Variants in COL23A1 observed in about 807,000 individuals in gnomAD.
The protein encoded by COL23A1 is collagen type XXIII alpha 1 chain.
In COL23A1, 97 loss-of-function variants were observed where a neutral mutation model predicts 99.3. The observed-to-expected ratio is 0.98, with a 90% CI of 0.83 to 1.16. The LOEUF is 1.16. COL23A1 is among the 50% of genes most tolerant of loss of function. COL23A1 has a pLI of 0.00. For synonymous variants in COL23A1, 320 were observed against 308.2 expected, an observed-to-expected ratio of 1.04 and a Z score of -0.40; for missense variants, 762 against 757.4, an observed-to-expected ratio of 1.01 and a Z score of -0.07.
At position 178,257,117 on chromosome 5, in the gene COL23A1, G is replaced by A. The variant is rs139062228; in HGVS notation, c.775-189C>T. Among the ~76,000 whole-genome samples the A allele has an allele frequency of 3.4e-3, 512 of 152,324 alleles. 1 individual carries two copies. Among genetic ancestry groups the A allele is most frequent in the Non-Finnish European group, 5.5e-3 (373 of 68,018 alleles). ...CCTAGCCCAGGGGACTCAGGACCAC[G>A]GCCGCCACCTTCTGGTGTGGGCCTT... is the stretch of plus-strand genomic sequence containing the variant. On this transcript the variant is annotated intron_variant, in intron 13 of 28. Transcript: ENST00000390654.
intron 2 of COL23A1, among the ~76,000 whole-genome samples, chr5:178,397,412 A>G (rs1355856304): frequency 1.3e-5 from 2 of 152,176 alleles, no homozygotes; most frequent in Non-Finnish European, 2.9e-5. Flanking sequence ...CGGGGGAGAA[A>G]ACTTAAAAGT....
chr5:178,587,128 A>T (rs937390067), intron 1 of COL23A1, among the ~76,000 whole-genome samples: 2 of 152,232 alleles, frequency 1.3e-5, no homozygotes, highest in African/African-American at 2.4e-5. Context: ...TTGTAACTAT[A>T]GGTATAAGAT....
intron 2 of COL23A1, among the ~76,000 whole-genome samples, chr5:178,489,475 G>A (rs770854386): frequency 4.6e-5 from 7 of 152,206 alleles, no homozygotes; most frequent in Non-Finnish European, 7.3e-5. Flanking sequence ...CTTTGCCTTC[G>A]CAACCATGTG....
intron 17 of COL23A1, among the ~76,000 whole-genome samples, chr5:178,250,427 C>T (rs1436572762): frequency 1.3e-5 from 2 of 152,214 alleles, no homozygotes; most frequent in Admixed American, 6.5e-5. Flanking sequence ...TTGGCTCTTT[C>T]TCTTGAGATA....
At chr5:178,526,632 C>T (rs968184608) in intron 2 of COL23A1, among the ~76,000 whole-genome samples, 5 of 152,200 alleles carry the variant, frequency 3.3e-5, no homozygotes, top group African/African-American at 7.2e-5. Flanking sequence ...CTGATGCTGC[C>T]GTGGAGCTTC....
intron 2 of COL23A1, among the ~76,000 whole-genome samples, chr5:178,501,044 T>C (rs1038012483): frequency 2.8e-4 from 42 of 151,708 alleles, no homozygotes; most frequent in African/African-American, 9.9e-4. Context: ...GTAGATGGAG[T>C]AGATATAGTT....
intron 3 of COL23A1, among the ~76,000 whole-genome samples, chr5:178,293,718 G>A (rs1457148791): frequency 6.6e-6 from 1 of 151,844 alleles, no homozygotes; most frequent in East Asian, 1.9e-4. Flanking sequence ...ATTCCAGCTG[G>A]AGGGGTGAGG....
chr5:178,425,466 T>TAAATAAAA (rs1446238837), intron 2 of COL23A1, among the ~76,000 whole-genome samples: 420 of 130,516 alleles, frequency 3.2e-3, no homozygotes, highest in Non-Finnish European at 5.5e-3. Context: ...AATAAATAAA[T>TAAATAAAA]AAAAATAAAA....
intron 1 of COL23A1, among the ~76,000 whole-genome samples, chr5:178,585,330 G>A (rs1259143526): frequency 5.3e-5 from 8 of 150,364 alleles, no homozygotes. Context: ...AACACTTGTG[G>A]CCCCGGCTGA....
At chr5:178,331,443 G>C (rs898606767) in intron 2 of COL23A1, among the ~76,000 whole-genome samples, 2 of 152,370 alleles carry the variant, frequency 1.3e-5, no homozygotes, top group South Asian at 2.1e-4. Flanking sequence ...TGTAAACTGG[G>C]CATAACATGG....
chr5:178,531,816 G>T (rs139502196), intron 2 of COL23A1, among the ~76,000 whole-genome samples: 1 of 152,290 alleles, frequency 6.6e-6, no homozygotes, highest in Non-Finnish European at 1.5e-5. Context: ...GCCCATCCTC[G>T]GCCTTCTAAG....
At chr5:178,296,066 G>A (rs565122057) in intron 3 of COL23A1, among the ~76,000 whole-genome samples, 10 of 152,330 alleles carry the variant, frequency 6.6e-5, no homozygotes, top group South Asian at 6.2e-4. Context: ...AGTCAAAAGC[G>A]TCAACACACT....
chr5:178,316,916 C>T (rs942159915), intron 2 of COL23A1, among the ~76,000 whole-genome samples: 4 of 151,744 alleles, frequency 2.6e-5, no homozygotes, highest in Admixed American at 6.6e-5. Context: ...GAGTGAGTTA[C>T]ATCACTAGAG....
intron 2 of COL23A1, among the ~76,000 whole-genome samples, chr5:178,336,572 C>T (rs1305642562): frequency 2.0e-5 from 3 of 152,194 alleles, no homozygotes; most frequent in Non-Finnish European, 4.4e-5. Context: ...GGTTGCCACG[C>T]AGAGGCCGGG....
rs536322351 is a variant in COL23A1 at position 178,589,151 on chromosome 5, T to C, written c.294+753A>G. On this transcript the variant is annotated intron_variant, in intron 1 of 28. Coordinates refer to ENST00000390654, the MANE Select transcript of COL23A1 (RefSeq NM_173465.4). This position sits in a 1 kb window ranked among gnomAD's most constrained non-coding sequence, Gnocchi z 5.4. ...CAGCAGCAATCTTAACCCTTAGAAG[T>C]GTCACAGAGCCTCATATGAGCTTTC... is the stretch of plus-strand genomic sequence containing the variant. Among the ~76,000 whole-genome samples the C allele has an allele frequency of 1.6e-4, 25 of 152,260 alleles. No individual in the cohort carries two copies. In the South Asian group the frequency reaches 2.3e-3, roughly 14 times the overall value.
At chr5:178,361,464 T>G (rs1443503654) in intron 2 of COL23A1, among the ~76,000 whole-genome samples, 1 of 152,112 alleles carries the variant, frequency 6.6e-6, no homozygotes, top group Non-Finnish European at 1.5e-5. Context: ...TAGAAGCTGA[T>G]GCTCTTAGAG....
chr5:178,298,401 C>T (rs1310451598), intron 3 of COL23A1, among the ~76,000 whole-genome samples: 9 of 152,174 alleles, frequency 5.9e-5, no homozygotes, highest in Non-Finnish European at 1.2e-4. Flanking sequence ...AATCATGTCT[C>T]CAGTGTTTCC....
intron 16 of COL23A1, among the ~76,000 whole-genome samples, 163 bp from the exon 17 acceptor site, chr5:178,252,760 G>C (rs1036119044): frequency 2.0e-5 from 3 of 152,256 alleles, no homozygotes; most frequent in Admixed American, 6.5e-5. Flanking sequence ...GCCACACTGT[G>C]CAAGGCTTTA....
At position 178,278,786 on chromosome 5, in the gene COL23A1, C is replaced by T. The variant is rs1026443156; in HGVS notation, c.442-8423G>A. ...AGTGAGCTGCTGAATTTCCCTGGAG[C>T]GCGTTTCCTCCTCTGCAAACTGAGT... On this transcript the variant is annotated intron_variant, in intron 5 of 28. Transcript: ENST00000390654. Among the ~76,000 whole-genome samples, 8 of 152,332 alleles carry T rather than the reference C, an allele frequency of 5.3e-5. No individual in the cohort carries two copies. In the East Asian group the frequency reaches 5.8e-4, roughly 11 times the overall value.
Sources: allele counts gnomAD v4.1 joint callset (sites outside exome capture counted in the v4.1 genomes callset), GRCh38; gene constraint gnomAD v4.1.1; non-coding constraint Gnocchi (gnomAD v3.1); transcripts MANE v1.5; gene names NCBI Gene and HGNC (gene_info 2026-07-23, HGNC 2026-07-21).